Variants in SEMA4A observed in about 807,000 individuals in gnomAD.
The protein encoded by SEMA4A is semaphorin 4A, also known as semaphorin-4A.
In SEMA4A, 52 loss-of-function variants were observed where a neutral mutation model predicts 72.5. The observed-to-expected ratio is 0.72, with a 90% CI of 0.57 to 0.90. The LOEUF is 0.90. Ranked by LOEUF, SEMA4A falls within the 40% of genes least tolerant of loss-of-function variation. The pLI is 0.00. For synonymous variants in SEMA4A, 369 were observed against 393.1 expected, an observed-to-expected ratio of 0.94 and a Z score of 0.73; for missense variants, 926 against 959.7, an observed-to-expected ratio of 0.96 and a Z score of 0.46.
intron 11 of SEMA4A, 103 bp from the exon 12 acceptor site, chr1:156,174,719 C>A: frequency 7.0e-7 from 1 of 1,430,562 alleles, no homozygotes; most frequent in Non-Finnish European, 9.8e-7. Context: ...CAGTACATAT[C>A]ACCCTCAGAA....
rs1653544009 is a variant in SEMA4A, at chr1:156,160,936, G to C, written c.717G>C (p.Ser239=). The C allele has an allele frequency of 6.2e-7, 1 of 1,613,318 alleles. No homozygotes were observed. Among genetic ancestry groups the C allele is most frequent in the African/African-American group, 1.3e-5 (1 of 74,682 alleles). The stretch of plus-strand genomic sequence containing the variant: ...CCTCCTTTGTGGCAGCCATCCCTTC[G>C]ACCCAGGTCGTCTACTTCTTCTTCG... The part of the protein sequence containing the change: ...HDASFVAAIP[S]TQVVYFFFEE... Residue 239 remains serine (S), a synonymous_variant, in exon 8 of 15, where the codon TCG becomes TCC. Coordinates refer to ENST00000368285, the MANE Select transcript of SEMA4A (RefSeq NM_022367.4).
intron 10 of SEMA4A, among the ~76,000 whole-genome samples, chr1:156,165,002 T>C (rs1654033185): frequency 6.6e-6 from 1 of 152,082 alleles, no homozygotes; most frequent in Non-Finnish European, 1.5e-5. Flanking sequence ...GGTTTCACCA[T>C]GTTGGCCAGA....
At chr1:156,154,462 T>A in intron 1 of SEMA4A, 88 bp from the exon 2 acceptor site, 1 of 1,253,848 alleles carries the variant, frequency 8.0e-7, no homozygotes, top group Non-Finnish European at 1.1e-6. Flanking sequence ...TACACACGCT[T>A]CTGCTGCCTG....
chr1:156,154,606 C>A lies in SEMA4A; in HGVS notation c.28C>A (p.Pro10Thr). The A allele has an allele frequency of 6.2e-7, 1 of 1,611,070 alleles. No homozygotes were observed. ...GGCCCTCCCAGCCCTGGGCCTGGACCCCTGGAGCCTCCTGGGCCTTTTCCT... is the reference window on the plus strand; with the variant it reads ...GGCCCTCCCAGCCCTGGGCCTGGACACCTGGAGCCTCCTGGGCCTTTTCCT... MALPALGLD[P>T]WSLLGLFLFQ... is the part of the protein sequence containing the mutation. The change falls in exon 2 of 15, where the codon CCC (proline) becomes ACC (threonine). Residue 10 changes from proline (P) to threonine (T), a missense_variant. By Grantham distance (38) the Pro-to-Thr change is conservative. Transcript: ENST00000368285.
At chr1:156,174,669 A>G (rs1655130579) in intron 11 of SEMA4A, among the ~76,000 whole-genome samples, 153 bp from the exon 12 acceptor site, 1 of 152,226 alleles carries the variant, frequency 6.6e-6, no homozygotes, top group African/African-American at 2.4e-5. Context: ...TGCCATCTCC[A>G]TGGCACAGAG....
At position 156,173,015 on chromosome 1, in the gene SEMA4A, A is replaced by T; in HGVS notation, c.1315+9A>T. On this transcript the variant is annotated intron_variant, in intron 11 of 14. Coordinates refer to ENST00000368285, the MANE Select transcript of SEMA4A (RefSeq NM_022367.4). ...CATGTACCTGGGAACCAGTGAGTAA[A>T]GAGTTCCGGGACATCCCCCAGAGGA... The T allele has an allele frequency of 6.2e-7, 1 of 1,613,434 alleles. No individual in the cohort carries two copies. Among genetic ancestry groups the T allele is most frequent in the East Asian group, 2.2e-5 (1 of 44,876 alleles).
upstream of SEMA4A, among the ~76,000 whole-genome samples, chr1:156,148,567 T>C (rs1652275793): frequency 6.6e-6 from 1 of 152,158 alleles, no homozygotes; most frequent in South Asian, 2.1e-4. Flanking sequence ...CTCATTTCCT[T>C]CCTCTTAAAA....
Position 156,177,013 on chromosome 1 carries a change from C to A in SEMA4A, c.*16C>A. On this transcript the variant is annotated 3_prime_UTR_variant, in exon 15 of 15. Transcript: ENST00000368285. ...GGTAGCTTAAACTCTAGGCACAGGC[C>A]GGGGCTGCGGTGCAGGCACCTGGCC... 1 of 1,601,388 alleles carries A rather than the reference C, an allele frequency of 6.2e-7. No individual in the cohort carries two copies. The highest frequency in any genetic ancestry group is 8.5e-7 in the Non-Finnish European group (1 of 1,178,182).
rs369040943 is a variant in SEMA4A at position 156,169,860 on chromosome 1, A to C, written c.1135-2966A>C. The stretch of plus-strand genomic sequence containing the variant: ...GCCATCATGGTGAAACCCCGTCTCT[A>C]CTAAAAATACAAAAATTAGCTGGGT... On this transcript the variant is annotated intron_variant, in intron 10 of 14. Transcript: ENST00000368285. Among the ~76,000 whole-genome samples, 285 of 151,562 alleles carry C rather than the reference A, an allele frequency of 1.9e-3. 1 individual carries two copies. The highest frequency in any genetic ancestry group is 0.013 in the South Asian group (62 of 4,800).
At chr1:156,168,219 C>T (rs1654368897) in intron 10 of SEMA4A, among the ~76,000 whole-genome samples, 1 of 135,766 alleles carries the variant, frequency 7.4e-6, no homozygotes, top group Non-Finnish European at 1.6e-5. Flanking sequence ...CCACTGCGCC[C>T]AGCTTACTTT....
intron 10 of SEMA4A, among the ~76,000 whole-genome samples, chr1:156,168,303 C>T (rs1024223981): frequency 2.6e-5 from 4 of 152,154 alleles, no homozygotes; most frequent in East Asian, 3.9e-4. Context: ...CTCACTGCAA[C>T]CTCCACCTCC....
upstream of SEMA4A, among the ~76,000 whole-genome samples, chr1:156,150,716 G>A (rs566717859): frequency 1.3e-5 from 2 of 152,274 alleles, no homozygotes; most frequent in East Asian, 3.9e-4. Context: ...GGGGCGGGAA[G>A]CAACCTCTCC....
intron 10 of SEMA4A, among the ~76,000 whole-genome samples, chr1:156,169,506 G>T (rs1162042351): frequency 7.4e-6 from 1 of 135,938 alleles, no homozygotes; most frequent in Non-Finnish European, 1.5e-5. Context: ...TGCAAGCTCC[G>T]CCTCCCAGGT....
chr1:156,154,803 G>A (rs1652864550), intron 2 of SEMA4A, 86 bp downstream of exon 2: 3 of 1,467,760 alleles, frequency 2.0e-6, no homozygotes, highest in Non-Finnish European at 2.8e-6. Flanking sequence ...GAGGAGGGGA[G>A]GAAATGGATA....
At chr1:156,172,266 C>T (rs1654872253) in intron 10 of SEMA4A, among the ~76,000 whole-genome samples, 1 of 151,738 alleles carries the variant, frequency 6.6e-6, no homozygotes, top group South Asian at 2.1e-4. Context: ...TACAGGCATG[C>T]CACCACCCCC....
At chr1:156,162,028 C>T (rs976767665) in intron 9 of SEMA4A, among the ~76,000 whole-genome samples, 8 of 152,042 alleles carry the variant, frequency 5.3e-5, no homozygotes, top group Non-Finnish European at 1.2e-4. Flanking sequence ...TTTGGGAGGC[C>T]GAGGTGGGCA....
At chr1:156,166,449 C>T (rs1432679605) in intron 10 of SEMA4A, among the ~76,000 whole-genome samples, 3 of 152,166 alleles carry the variant, frequency 2.0e-5, no homozygotes, top group Non-Finnish European at 2.9e-5. Context: ...CCTCATGGGG[C>T]TTACATTCCA....
At chr1:156,158,550 T>G (rs1425480273) in intron 5 of SEMA4A, 64 bp downstream of exon 5, 9 of 1,421,750 alleles carry the variant, frequency 6.3e-6, no homozygotes, top group Admixed American at 5.0e-5. Flanking sequence ...ACCCACGACT[T>G]TCCTCTGTAG....
Position 156,154,735 on chromosome 1 carries a change from G to A in SEMA4A, c.139+18G>A, listed in dbSNP as rs1488046777. 3 of 1,571,590 alleles carry A rather than the reference G, an allele frequency of 1.9e-6. No individual in the cohort carries two copies. The highest frequency in any genetic ancestry group is 1.9e-5 in the Admixed American group (1 of 52,120). ...CTATGCAGGTAAGTGTCCGACAGCAGGAAGTGTGGGGATAGCAATAGAGAG... is the reference window on the plus strand; with the variant it reads ...CTATGCAGGTAAGTGTCCGACAGCAAGAAGTGTGGGGATAGCAATAGAGAG... On this transcript the variant is annotated intron_variant, in intron 2 of 14. Coordinates refer to ENST00000368285, the MANE Select transcript of SEMA4A (RefSeq NM_022367.4).
Sources: gnomAD v4.1 joint callset for allele counts (sites outside exome capture counted in the v4.1 genomes callset) on GRCh38, gnomAD v4.1.1 for gene constraint, MANE v1.5 for transcripts, NCBI Gene and HGNC (gene_info 2026-07-23, HGNC 2026-07-21) for gene names.